The following IQSEC3 variants were observed in gnomAD, a reference collection of about 807,000 sequenced individuals.
IQSEC3 encodes IQ motif and Sec7 domain ArfGEF 3.
A neutral mutation model predicts 105.4 loss-of-function variants in IQSEC3; 50 were observed. That is an observed-to-expected ratio of 0.47 (90% CI 0.38 to 0.60). The LOEUF (loss-of-function observed/expected upper bound fraction) is 0.60. IQSEC3 is among the 20% of genes least tolerant of loss of function. The pLI is 0.00. For synonymous variants in IQSEC3, 708 were observed against 746.0 expected (o/e 0.95, Z 0.83); for missense variants, 1,415 against 1,630.0 (o/e 0.87, Z 2.27).
chr12:170,572 C>T (rs1938931223), intron 12 of IQSEC3, among the ~76,000 whole-genome samples: 1 of 152,222 alleles, frequency 6.6e-6, no homozygotes, highest in Non-Finnish European at 1.5e-5. Context: ...ATGAGCTGTC[C>T]GTGGGGGTCC....
intron 3 of IQSEC3, among the ~76,000 whole-genome samples, chr12:135,250 T>C (rs540181572): frequency 6.6e-6 from 1 of 152,372 alleles, no homozygotes; most frequent in African/African-American, 2.4e-5. Context: ...CTCTCTACAT[T>C]TCCCCTTGGG....
chr12:100,790 C>A (rs566040300), intron 2 of IQSEC3, among the ~76,000 whole-genome samples: 2 of 152,092 alleles, frequency 1.3e-5, no homozygotes, highest in African/African-American at 4.8e-5. Context: ...TGCTCACCTG[C>A]AAATTAGAAG....
chr12:174,497 T>G (rs1939167022), intron 13 of IQSEC3, 102 bp from the exon 14 acceptor site: 1 of 1,077,712 alleles, frequency 9.3e-7, no homozygotes, highest in Non-Finnish European at 1.3e-6. Context: ...GAGTGAGGGC[T>G]GAGAGTGGGA....
chr12:163,376 C>CCACAGAACTGGAACCCTCCCCTGTCCCCT, intron 8 of IQSEC3, 118 bp from the exon 9 acceptor site: 1 of 152,378 alleles, frequency 6.6e-6, no homozygotes, highest in Non-Finnish European at 1.1e-5. Flanking sequence ...TCTCCTCCCT[C>CCACAGAACTGGAACCCTCCCCTGTCCCCT]CACAGAACCG....
chr12:123,137 G>A (rs1229762595), intron 2 of IQSEC3, among the ~76,000 whole-genome samples: 1 of 152,194 alleles, frequency 6.6e-6, no homozygotes. Context: ...GGGCACGCTG[G>A]CTCATGCCTG....
chr12:72,475 A>T (rs1196810733), intron 1 of IQSEC3, among the ~76,000 whole-genome samples: 1 of 140,180 alleles, frequency 7.1e-6, no homozygotes, highest in African/African-American at 2.5e-5. Context: ...CTGGAGCCTA[A>T]GCATATCTCA....
intron 9 of IQSEC3, among the ~76,000 whole-genome samples, chr12:163,951 C>T (rs1282664039): frequency 6.6e-6 from 1 of 152,196 alleles, no homozygotes; most frequent in Admixed American, 6.5e-5. Flanking sequence ...CAGGGCTGTG[C>T]CTCAGACCCC....
intron 3 of IQSEC3, among the ~76,000 whole-genome samples, chr12:129,831 G>T (rs1448346042): frequency 1.3e-5 from 2 of 152,158 alleles, no homozygotes; most frequent in Non-Finnish European, 2.9e-5. Context: ...CCTCCCCACA[G>T]ATCCCCATAC....
At chr12:103,804 T>G (rs1164296876) in intron 2 of IQSEC3, among the ~76,000 whole-genome samples, 1 of 2,304 alleles carries the variant, frequency 4.3e-4, no homozygotes. Context: ...GCAGGAGACG[T>G]GGGACTCAGG....
At chr12:90,115 G>A (rs1172648548) in intron 1 of IQSEC3, among the ~76,000 whole-genome samples, 1 of 152,216 alleles carries the variant, frequency 6.6e-6, no homozygotes, top group Non-Finnish European at 1.5e-5. Context: ...TCATTCTAGT[G>A]GGTGTGTAAT....
At chr12:128,655 G>T (rs1555084197) in intron 3 of IQSEC3, among the ~76,000 whole-genome samples, 2 of 152,058 alleles carry the variant, frequency 1.3e-5, no homozygotes, top group Non-Finnish European at 2.9e-5. Context: ...CACTGATGCT[G>T]CCTCTTAACA....
chr12:89,416 A>G (rs1864015958), intron 1 of IQSEC3, among the ~76,000 whole-genome samples: 1 of 152,228 alleles, frequency 6.6e-6, no homozygotes, highest in African/African-American at 2.4e-5. Flanking sequence ...ATGAGAAGGA[A>G]GAGGAAAAGA....
chr12:89,859 T>C (rs1395404498), intron 1 of IQSEC3, among the ~76,000 whole-genome samples: 3 of 152,228 alleles, frequency 2.0e-5, no homozygotes, highest in African/African-American at 7.2e-5. Flanking sequence ...GACATTTACA[T>C]TGTTTCTGGG....
At chr12:164,402 TCC>T (rs150305561) in intron 9 of IQSEC3, among the ~76,000 whole-genome samples, 4,564 of 151,956 alleles carry the variant, frequency 0.03, 91 homozygotes, top group African/African-American at 0.046. Context: ...AGGCCACGTG[TCC>T]CCTTTCCCTA....
At chr12:88,738 C>A (rs1591640063) in intron 1 of IQSEC3, among the ~76,000 whole-genome samples, 1 of 152,106 alleles carries the variant, frequency 6.6e-6, no homozygotes, top group Non-Finnish European at 1.5e-5. Context: ...GTAGATTGCA[C>A]CAGTGAGCAA....
At chr12:129,261 G>A (rs11064619) in intron 3 of IQSEC3, among the ~76,000 whole-genome samples, 58,022 of 152,032 alleles carry the variant, frequency 0.38, 11,339 homozygotes, top group African/African-American at 0.43. Flanking sequence ...AAGAGCCAGC[G>A]CTCCTGGAGC....
At chr12:164,745 C>T (rs1304230277) in intron 9 of IQSEC3, 1 of 152,652 alleles carries the variant, frequency 6.6e-6, no homozygotes, top group Non-Finnish European at 1.5e-5. Flanking sequence ...CAGGGCTCAG[C>T]TCACAGAAGC....
chr12:124,204 T>C (rs1162474278), intron 2 of IQSEC3, among the ~76,000 whole-genome samples: 8 of 151,824 alleles, frequency 5.3e-5, no homozygotes, highest in Non-Finnish European at 1.2e-4. Flanking sequence ...CTGGCTGACA[T>C]GGTGAAACCC....
chr12:155,423 G>A (rs1555093927), intron 5 of IQSEC3, among the ~76,000 whole-genome samples: 2 of 152,188 alleles, frequency 1.3e-5, no homozygotes, highest in African/African-American at 4.8e-5. Context: ...CCTGCCTACG[G>A]GAGAGAGGCG....
Sources: gnomAD v4.1 joint callset for allele counts (sites outside exome capture counted in the v4.1 genomes callset) on GRCh38, gnomAD v4.1.1 for gene constraint, MANE v1.5 for transcripts, NCBI Gene and HGNC (gene_info 2026-07-23, HGNC 2026-07-21) for gene names.